TCF4: variants seen among roughly 807,000 people sequenced by gnomAD.
TCF4 encodes the protein transcription factor 4.
TCF4 carries 3 observed loss-of-function variants against 82.1 expected under a neutral mutation model. The ratio of observed to expected loss-of-function variants is 0.04; its 90% CI spans 0.02 to 0.09. The LOEUF (loss-of-function observed/expected upper bound fraction) is 0.09. TCF4 is among the 10% of genes least tolerant of loss of function. The pLI is 1.00. For synonymous variants in TCF4, 276 were observed against 309.6 expected (o/e 0.89, Z 1.14); for missense variants, 518 against 852.7 (o/e 0.61, Z 4.89).
At chr18:55,271,569 T>G (rs746947501) in intron 10 of TCF4, among the ~76,000 whole-genome samples, 10 of 152,138 alleles carry the variant, frequency 6.6e-5, no homozygotes, top group Admixed American at 2.0e-4. Context: ...CTTAAAAGAC[T>G]TCCGTAAAAA....
At chr18:55,499,823 C>G (rs2145996105) in intron 3 of TCF4, among the ~76,000 whole-genome samples, 1 of 152,314 alleles carries the variant, frequency 6.6e-6, no homozygotes, top group Non-Finnish European at 1.5e-5. Flanking sequence ...TACGGACTAC[C>G]AGGCCTTGCC....
intron 8 of TCF4, among the ~76,000 whole-genome samples, chr18:55,341,749 G>A (rs2080017218): frequency 1.3e-5 from 2 of 152,134 alleles, no homozygotes; most frequent in Non-Finnish European, 2.9e-5. Flanking sequence ...CCTCACTCTC[G>A]TAAAGGTGGT....
chr18:55,609,003 T>C (rs1420820473), intron 2 of TCF4, among the ~76,000 whole-genome samples: 1 of 152,090 alleles, frequency 6.6e-6, no homozygotes, highest in African/African-American at 2.4e-5. Context: ...TGCCCTTATA[T>C]AAAGAGGAAG....
intron 5 of TCF4, among the ~76,000 whole-genome samples, chr18:55,433,038 A>G (rs1025188390): frequency 4.6e-5 from 7 of 152,238 alleles, no homozygotes; most frequent in Admixed American, 4.6e-4. Context: ...TAAAAAAGTA[A>G]AAAAAGTGCA....
chr18:55,618,265 A>C (rs968132407), intron 2 of TCF4, among the ~76,000 whole-genome samples: 1 of 152,196 alleles, frequency 6.6e-6, no homozygotes, highest in South Asian at 2.1e-4. Flanking sequence ...TATCACATTA[A>C]TTGATTTACA....
At chr18:55,419,366 T>C (rs151306702) in intron 5 of TCF4, among the ~76,000 whole-genome samples, 4 of 152,206 alleles carry the variant, frequency 2.6e-5, no homozygotes, top group Non-Finnish European at 4.4e-5. Context: ...AGGGAAAGAA[T>C]GACGTTAGAG....
At chr18:55,559,938 T>C (rs2097340423) in intron 3 of TCF4, among the ~76,000 whole-genome samples, 1 of 152,130 alleles carries the variant, frequency 6.6e-6, no homozygotes, top group Non-Finnish European at 1.5e-5. Flanking sequence ...AAAGTGCACA[T>C]GTGGGGCCTT....
intron 5 of TCF4, chr18:55,422,416 G>A: frequency 1.0e-6 from 1 of 984,704 alleles, no homozygotes; most frequent in South Asian, 4.7e-5. Context: ...GAGGGTTTGG[G>A]GGGTTTTTTT....
chr18:55,256,277 C>T (rs1179622416), intron 14 of TCF4, among the ~76,000 whole-genome samples: 2 of 152,062 alleles, frequency 1.3e-5, no homozygotes, highest in Non-Finnish European at 2.9e-5. Context: ...CCCGTCTTTA[C>T]AGTTCTATAG....
At chr18:55,586,040 G>A in intron 2 of TCF4, 1 of 1,380,684 alleles carries the variant, frequency 7.2e-7, no homozygotes, top group Non-Finnish European at 9.5e-7. Flanking sequence ...CAGAAAGGGG[G>A]CTGCAAAGCT....
chr18:55,313,915 T>C (rs1173404822), intron 8 of TCF4, among the ~76,000 whole-genome samples: 1 of 152,158 alleles, frequency 6.6e-6, no homozygotes, highest in Non-Finnish European at 1.5e-5. Context: ...TCTTCAATCC[T>C]ACTTCAATGA....
chr18:55,402,409 T>G (rs2093874459), intron 6 of TCF4, among the ~76,000 whole-genome samples: 1 of 151,646 alleles, frequency 6.6e-6, no homozygotes, highest in Non-Finnish European at 1.5e-5. Flanking sequence ...CTGTTTAAAA[T>G]AAAATTAAAA....
chr18:55,627,417 G>C (rs2097727514), intron 2 of TCF4, among the ~76,000 whole-genome samples: 1 of 152,086 alleles, frequency 6.6e-6, no homozygotes, highest in African/African-American at 2.4e-5. Flanking sequence ...GCTTCCACAG[G>C]GTACAATGGC....
At chr18:55,307,167 G>C (rs932916237) in intron 8 of TCF4, among the ~76,000 whole-genome samples, 2 of 152,162 alleles carry the variant, frequency 1.3e-5, no homozygotes, top group Non-Finnish European at 2.9e-5. Flanking sequence ...TTATAAAGCA[G>C]CAACAAACTC....
intron 8 of TCF4, among the ~76,000 whole-genome samples, chr18:55,298,668 C>G (rs1330449158): frequency 6.6e-6 from 1 of 152,152 alleles, no homozygotes; most frequent in Admixed American, 6.5e-5. Flanking sequence ...GGCAAATAAC[C>G]AAATAGCTAC....
intron 3 of TCF4, among the ~76,000 whole-genome samples, chr18:55,542,433 G>C (rs769993759): frequency 6.6e-6 from 1 of 151,878 alleles, no homozygotes; most frequent in African/African-American, 2.4e-5. Context: ...TTTAGGAAAA[G>C]AATCTATAAA....
At chr18:55,523,227 T>C (rs2096948115) in intron 3 of TCF4, among the ~76,000 whole-genome samples, 1 of 152,016 alleles carries the variant, frequency 6.6e-6, no homozygotes, top group Non-Finnish European at 1.5e-5. Flanking sequence ...TACAAATTCA[T>C]GATCTGGAAC....
intron 5 of TCF4, among the ~76,000 whole-genome samples, chr18:55,430,504 T>C (rs947505468): frequency 1.9e-4 from 29 of 152,134 alleles, no homozygotes; most frequent in Non-Finnish European, 7.4e-5. Flanking sequence ...CCAAAGCAGA[T>C]GCCCTACTGA....
intron 3 of TCF4, among the ~76,000 whole-genome samples, chr18:55,516,760 G>A (rs59531780): frequency 0.025 from 3,846 of 152,216 alleles, 163 homozygotes; most frequent in African/African-American, 0.087. Flanking sequence ...CTTGCATGGT[G>A]CATTTGCAGA....
Sources: allele counts gnomAD v4.1 joint callset (sites outside exome capture counted in the v4.1 genomes callset), GRCh38; gene constraint gnomAD v4.1.1; transcripts MANE v1.5; gene names NCBI Gene and HGNC (gene_info 2026-07-23, HGNC 2026-07-21).